RP1L1: variants seen among roughly 807,000 people sequenced by gnomAD.
The protein encoded by RP1L1 is retinitis pigmentosa 1-like 1 protein.
Under a neutral mutation model 15.7 loss-of-function variants are expected in RP1L1, and 27 were observed. That is an observed-to-expected ratio of 1.72 (90% CI 1.27 to 2.38). RP1L1 has a LOEUF of 2.38. RP1L1 is among the 30% of genes most tolerant of loss of function. The probability of loss-of-function intolerance (pLI) is 0.00; values close to 1 mark genes in which losing one functional copy is unlikely to be tolerated. For missense variants in RP1L1, 4,798 were observed against 3,075.9 expected (o/e 1.56, Z -13.24); for synonymous variants, 1,813 against 1,276.7 (o/e 1.42, Z -8.96).
chr8:10,642,743 G>T (rs140889037), intron 1 of RP1L1, among the ~76,000 whole-genome samples: 86 of 152,294 alleles, frequency 5.6e-4, no homozygotes, highest in African/African-American at 1.9e-3. Flanking sequence ...TGTTGGCCTG[G>T]GTTTTGGTTG....
intron 1 of RP1L1, among the ~76,000 whole-genome samples, chr8:10,642,790 G>C (rs905258200): frequency 2.6e-4 from 40 of 152,174 alleles, no homozygotes; most frequent in Non-Finnish European, 4.4e-4. Context: ...ACAATCAAAA[G>C]AGCAGAGAAT....
Position 10,612,944 on chromosome 8 carries a change from C to A in RP1L1, c.1154G>T (p.Arg385Leu). ...TTCCCTGCATCCCACCCTGCAGGGC[C>A]GGGGTCCCCACACCCCAGGCTCTGA... ...GFSEPGVWGP[R>L]PCRVGCREVF... Residue 385 changes from arginine (R) to leucine (L), a missense_variant, in exon 4 of 4, where the codon CGG becomes CTG. Arg to Leu is a moderately radical substitution (Grantham distance 102). Transcript: ENST00000382483. The A allele has an allele frequency of 6.2e-7, 1 of 1,613,058 alleles. No homozygotes were observed.
Position 10,611,313 on chromosome 8 carries a change from T to G in RP1L1, c.2785A>C (p.Arg929=), listed in dbSNP as rs1252191967. ...TGCCCCTGGGGGCCTCCCCCACTCC[T>G]CAAGGTCTTCTCCTCGGACAGCCCC... ...SRGLSEEKTL[R]SGGGPQGQEE... Residue 929 remains arginine, a synonymous_variant, in exon 4 of 4, where the codon AGG becomes CGG. Transcript: ENST00000382483. The G allele has an allele frequency of 6.2e-7, 1 of 1,612,736 alleles. No homozygotes were observed. Among genetic ancestry groups the G allele is most frequent in the Non-Finnish European group, 8.5e-7 (1 of 1,180,002 alleles).
At position 10,620,331 on chromosome 8, in the gene RP1L1, T is replaced by C. The variant is rs754648960; in HGVS notation, c.609+2262A>G. 2.0e-3 allele frequency among the ~76,000 whole-genome samples: 297 copies of C among 151,962 alleles called. 3 individuals are homozygous for C. The highest frequency in any genetic ancestry group is 2.2e-3 in the Non-Finnish European group (147 of 67,968). ...TTAGAAGACACAACAGTGGGCTGGG[T>C]GCGGTGGCTCACGCCTGTAGTCTCA... On this transcript the variant is annotated intron_variant, in intron 2 of 3. Transcript: ENST00000382483.
intron 1 of RP1L1, among the ~76,000 whole-genome samples, chr8:10,653,734 A>C (rs1798597374): frequency 6.6e-6 from 1 of 152,180 alleles, no homozygotes. Flanking sequence ...GTTAGAAGAG[A>C]GCAGCAGGCC....
At position 10,611,183 on chromosome 8, in the gene RP1L1, G is replaced by A. The variant is rs374466650; in HGVS notation, c.2915C>T (p.Thr972Ile). 22 of 1,612,868 alleles carry A rather than the reference G, an allele frequency of 1.4e-5. No homozygotes were observed. The African/African-American group carries it at 2.0e-4, about 15-fold the overall frequency. Residue 972 changes from threonine (T) to isoleucine (I), a missense_variant, in exon 4 of 4, where the codon ACA becomes ATA. Thr to Ile is a moderately conservative substitution (Grantham distance 89, BLOSUM62 -1). Coordinates refer to ENST00000382483, the MANE Select transcript of RP1L1 (RefSeq NM_178857.6). ...TGTGGTCTCGTCCGCCAACTCATAT[G>A]TCATGAGTATGGGCTCTTCTGGAAT... ...DNIPEEPILM[T>I]YELADETTGA...
intron 1 of RP1L1, among the ~76,000 whole-genome samples, chr8:10,649,367 G>A (rs1459986063): frequency 1.3e-5 from 2 of 152,192 alleles, no homozygotes; most frequent in Non-Finnish European, 2.9e-5. Flanking sequence ...CACAGCACAC[G>A]ATAGCAAGCC....
chr8:10,608,299 TGG>T lies in RP1L1; in HGVS notation c.5797_5798del (p.Pro1933ArgfsTer50), dbSNP rs772320452. ...EALETEGEDE[P>X]ESEGAEAQEA... ...CTTGGGCCTCTGCACCTTCTGACTC[TGG>T]CTCGTCCTCCCCTTCAGTCTCCAGG... On this transcript the variant is annotated frameshift_variant, in exon 4 of 4. Transcript: ENST00000382483. LOFTEE classifies it low-confidence loss of function (END_TRUNC). 3.7e-6 allele frequency: 6 copies of T among 1,612,164 alleles called. No individual in the cohort carries two copies.
intron 1 of RP1L1, among the ~76,000 whole-genome samples, chr8:10,624,440 T>C (rs1798125074): frequency 6.6e-6 from 1 of 152,182 alleles, no homozygotes; most frequent in Non-Finnish European, 1.5e-5. Flanking sequence ...GTAAAAGGAA[T>C]GGCATTGCAG....
intron 1 of RP1L1, among the ~76,000 whole-genome samples, chr8:10,624,288 C>T (rs575547041): frequency 7.2e-5 from 11 of 152,158 alleles, no homozygotes; most frequent in Admixed American, 2.0e-4. Flanking sequence ...GACATGGCAC[C>T]GATCTTCAGA....
At position 10,612,278 on chromosome 8, in the gene RP1L1, G is replaced by C. The variant is rs1242449979; in HGVS notation, c.1820C>G (p.Thr607Arg). 3 of 1,613,222 alleles carry C rather than the reference G, an allele frequency of 1.9e-6. No individual in the cohort carries two copies. Among genetic ancestry groups the C allele is most frequent in the Non-Finnish European group, 1.7e-6 (2 of 1,180,026 alleles). ...AAGGCCCAGAACCAGAGGCTCCCTTGTCACAGCCGCTCCCGTGGCCTGCTC... is the reference window on the plus strand; with the variant it reads ...AAGGCCCAGAACCAGAGGCTCCCTTCTCACAGCCGCTCCCGTGGCCTGCTC... Reference protein sequence around the residue: ...GTEQATGAAVTREPLVLGLSC... With the variant: ...GTEQATGAAVRREPLVLGLSC... The change falls in exon 4 of 4, where the codon ACA becomes AGA. Residue 607 changes from threonine to arginine, a missense_variant. Thr to Arg is a moderately conservative substitution (Grantham distance 71, BLOSUM62 -1). Coordinates refer to ENST00000382483, the MANE Select transcript of RP1L1 (RefSeq NM_178857.6).
chr8:10,642,969 T>G (rs1481852864), intron 1 of RP1L1, among the ~76,000 whole-genome samples: 2 of 152,176 alleles, frequency 1.3e-5, no homozygotes, highest in African/African-American at 4.8e-5. Context: ...AGGTGAAGAA[T>G]AGCTGTGGAT....
chr8:10,611,987 T>C lies in RP1L1; in HGVS notation c.2111A>G (p.Tyr704Cys). 1 of 1,613,788 alleles carries C rather than the reference T, an allele frequency of 6.2e-7. No homozygotes were observed. Among genetic ancestry groups the C allele is most frequent in the South Asian group, 1.1e-5 (1 of 91,080 alleles). The change falls in exon 4 of 4, where the codon TAT becomes TGT. Residue 704 changes from tyrosine (Y) to cysteine (C), a missense_variant. Coordinates refer to ENST00000382483, the MANE Select transcript of RP1L1 (RefSeq NM_178857.6). Reference protein sequence around the residue: ...RACQDGSVPRYSGSSSSTRTQ... With the variant: ...RACQDGSVPRCSGSSSSTRTQ... ...CCTGGTGCTCGATGAGCTTCCAGAA[T>C]ATCGTGGCACTGAGCCATCCTGGCA...
chr8:10,630,240 C>G (rs149916032), intron 1 of RP1L1, among the ~76,000 whole-genome samples: 3 of 152,352 alleles, frequency 2.0e-5, no homozygotes, highest in Non-Finnish European at 4.4e-5. Flanking sequence ...GACCTTTCTT[C>G]TCTCTGCCAC....
intron 1 of RP1L1, among the ~76,000 whole-genome samples, chr8:10,635,333 C>T (rs1480178728): frequency 6.6e-6 from 1 of 152,190 alleles, no homozygotes; most frequent in African/African-American, 2.4e-5. Flanking sequence ...CAGAAATGCT[C>T]CCCCACCCCA....
chr8:10,633,353 G>T (rs1333804017), intron 1 of RP1L1, among the ~76,000 whole-genome samples: 2 of 152,160 alleles, frequency 1.3e-5, no homozygotes, highest in African/African-American at 2.4e-5. Context: ...GCCTGACAAG[G>T]CAACCCAGAA....
intron 2 of RP1L1, chr8:10,621,738 G>T (rs1306020150): frequency 2.0e-6 from 1 of 508,482 alleles, no homozygotes; most frequent in African/African-American, 1.9e-5. Context: ...CCTCCATTCT[G>T]CCGACCTTTG....
chr8:10,606,683 C>G lies in RP1L1; in HGVS notation c.*212G>C. On this transcript the variant is annotated 3_prime_UTR_variant, in exon 4 of 4. Coordinates refer to ENST00000382483, the MANE Select transcript of RP1L1 (RefSeq NM_178857.6). ...TCCGCAGACACCCCCTTTCTTCACA[C>G]TGCGTGTGGGACGGGCCGCAGAGCT... 1.3e-6 allele frequency: 1 copy of G among 753,912 alleles called. No individual in the cohort carries two copies. The highest frequency in any genetic ancestry group is 2.1e-6 in the Non-Finnish European group (1 of 481,676). 46.7% of individuals were successfully genotyped at this position (753,912 alleles called of 1,614,324 possible). A position where few individuals can be genotyped will look rare whatever the true frequency, so the allele number is the denominator to read the frequency against.
intron 1 of RP1L1, among the ~76,000 whole-genome samples, chr8:10,653,577 C>G (rs1798594378): frequency 1.3e-5 from 2 of 151,836 alleles, no homozygotes; most frequent in Non-Finnish European, 1.5e-5. Flanking sequence ...CACTCATGTG[C>G]ACACACCCAC....
Sources: gnomAD v4.1 joint callset for allele counts (sites outside exome capture counted in the v4.1 genomes callset) on GRCh38, gnomAD v4.1.1 for gene constraint, MANE v1.5 for transcripts, NCBI Gene and HGNC (gene_info 2026-07-23, HGNC 2026-07-21) for gene names.